PCSK2: variants seen among roughly 807,000 people sequenced by gnomAD.
The protein encoded by PCSK2 is neuroendocrine convertase 2.
PCSK2 carries 14 observed loss-of-function variants against 69.7 expected under a neutral mutation model. The ratio of observed to expected loss-of-function variants is 0.20; its 90% CI spans 0.13 to 0.31. The LOEUF is 0.31. Ranked by LOEUF, PCSK2 falls within the 10% of genes least tolerant of loss-of-function variation. The pLI is 1.00. For missense variants in PCSK2, 544 were observed against 842.5 expected (o/e 0.65, Z 4.39); for synonymous variants, 307 against 320.7 (o/e 0.96, Z 0.46).
chr20:17,344,904 T>G (rs893115958), intron 2 of PCSK2, among the ~76,000 whole-genome samples: 2 of 151,876 alleles, frequency 1.3e-5, no homozygotes, highest in African/African-American at 4.8e-5. Context: ...TGCAGGAAAC[T>G]GCCCAAGGCT....
chr20:17,312,289 G>T (rs549684873), intron 2 of PCSK2, among the ~76,000 whole-genome samples: 1 of 152,256 alleles, frequency 6.6e-6, no homozygotes, highest in South Asian at 2.1e-4. Context: ...AGAAACAGGG[G>T]ACTTCTGATT....
At chr20:17,339,930 T>C (rs1183522084) in intron 2 of PCSK2, among the ~76,000 whole-genome samples, 1 of 152,176 alleles carries the variant, frequency 6.6e-6, no homozygotes, top group Non-Finnish European at 1.5e-5. Context: ...CCTTCGGATT[T>C]TAGGACCTAA....
At position 17,344,149 on chromosome 20, in the gene PCSK2, C is replaced by T. The variant is rs144819121; in HGVS notation, c.283-14178C>T. 9.2e-5 allele frequency among the ~76,000 whole-genome samples: 14 copies of T among 152,326 alleles called. No individual in the cohort carries two copies. In the East Asian group the frequency reaches 2.7e-3, roughly 29 times the overall value. ...TTTGTTCCGCATCACCGTGCTGGGG[C>T]TCATTAACGCCCTGTCATCGGGTGC... On this transcript the variant is annotated intron_variant, in intron 2 of 11. Transcript: ENST00000262545.
intron 2 of PCSK2, among the ~76,000 whole-genome samples, chr20:17,315,238 G>A (rs141582430): frequency 6.6e-6 from 1 of 152,130 alleles, no homozygotes; most frequent in East Asian, 1.9e-4. Flanking sequence ...TGGTGGTGAT[G>A]GTGTGTGTCT....
At chr20:17,226,888 C>A (rs1221584853), upstream of PCSK2, 3 of 148,402 alleles carry the variant, frequency 2.0e-5, no homozygotes, top group African/African-American at 4.9e-5. Flanking sequence ...GGGCCCGGGG[C>A]GGCCCAGGGC....
chr20:17,339,985 C>A (rs1990463890), intron 2 of PCSK2, among the ~76,000 whole-genome samples: 1 of 152,212 alleles, frequency 6.6e-6, no homozygotes. Context: ...CCCACCCCTG[C>A]CTGTTATGTG....
At chr20:17,443,446 T>C (rs1243759918) in intron 8 of PCSK2, among the ~76,000 whole-genome samples, 1 of 152,198 alleles carries the variant, frequency 6.6e-6, no homozygotes, top group African/African-American at 2.4e-5. Flanking sequence ...TATTGCATTA[T>C]TCATTGTGTG....
In PCSK2 at chr20:17,391,406, A is replaced by T. The variant is rs115280113; in HGVS notation, c.544-17857A>T. The stretch of plus-strand genomic sequence containing the variant: ...CACATGATTTAAAAAAAATAAAAAA[A>T]CTCATCAATGAGATTAATGAGAGTT... On this transcript the variant is annotated intron_variant, in intron 5 of 11. Coordinates refer to ENST00000262545, the MANE Select transcript of PCSK2 (RefSeq NM_002594.5). 2.1e-3 allele frequency among the ~76,000 whole-genome samples: 325 copies of T among 152,308 alleles called. 2 individuals carry two copies. Among genetic ancestry groups the T allele is most frequent in the African/African-American group, 7.4e-3 (309 of 41,568 alleles).
At chr20:17,243,724 C>A (rs1250033208) in intron 1 of PCSK2, among the ~76,000 whole-genome samples, 2 of 152,184 alleles carry the variant, frequency 1.3e-5, no homozygotes, top group African/African-American at 4.8e-5. Flanking sequence ...CATCAAGAAG[C>A]ACACACCACA....
At chr20:17,397,935 A>G (rs1383536367) in intron 5 of PCSK2, among the ~76,000 whole-genome samples, 2 of 152,218 alleles carry the variant, frequency 1.3e-5, no homozygotes, top group East Asian at 3.8e-4. Flanking sequence ...AGTCTGAGAC[A>G]TGCCAAGGAG....
intron 5 of PCSK2, among the ~76,000 whole-genome samples, chr20:17,402,639 C>A (rs1343465221): frequency 2.5e-5 from 3 of 121,758 alleles, no homozygotes; most frequent in South Asian, 2.8e-4. Flanking sequence ...CAAGCCTGGG[C>A]AACAGAGCAA....
intron 7 of PCSK2, among the ~76,000 whole-genome samples, chr20:17,434,205 CTCT>C (rs1487497647): frequency 1.7e-4 from 26 of 150,160 alleles, no homozygotes; most frequent in African/African-American, 6.4e-4. Context: ...CTCTCTCTCT[CTCT>C]CCCAGTCTGT....
At chr20:17,412,947 G>A (rs1162416421) in intron 6 of PCSK2, among the ~76,000 whole-genome samples, 1 of 152,090 alleles carries the variant, frequency 6.6e-6, no homozygotes, top group African/African-American at 2.4e-5. Context: ...CATAAGTGAA[G>A]GAGAAATAAA....
chr20:17,387,882 G>A (rs978886130), intron 5 of PCSK2, among the ~76,000 whole-genome samples: 1 of 152,186 alleles, frequency 6.6e-6, no homozygotes, highest in African/African-American at 2.4e-5. Context: ...TTATGATCTA[G>A]GTGCTTTGCT....
At chr20:17,436,618 A>G in intron 7 of PCSK2, 90 bp from the exon 8 acceptor site, 1 of 1,132,100 alleles carries the variant, frequency 8.8e-7, no homozygotes, top group Non-Finnish European at 1.3e-6. Flanking sequence ...AACCATTCCA[A>G]GTACCCAGGG....
intron 2 of PCSK2, among the ~76,000 whole-genome samples, chr20:17,317,487 G>A (rs1169359549): frequency 6.6e-6 from 1 of 152,190 alleles, no homozygotes; most frequent in Non-Finnish European, 1.5e-5. Context: ...AATTCTGGCT[G>A]TGTCCATTAG....
chr20:17,334,393 G>A (rs1990290263), intron 2 of PCSK2, among the ~76,000 whole-genome samples: 1 of 152,138 alleles, frequency 6.6e-6, no homozygotes, highest in African/African-American at 2.4e-5. Context: ...AGAAAACAGT[G>A]GGTTAAAATT....
chr20:17,450,459 C>T (rs906786606), intron 8 of PCSK2, among the ~76,000 whole-genome samples: 1 of 152,152 alleles, frequency 6.6e-6, no homozygotes, highest in Admixed American at 6.5e-5. Context: ...TATGGAAATG[C>T]TTGCTGTGAT....
chr20:17,397,063 C>T (rs539283732), intron 5 of PCSK2, among the ~76,000 whole-genome samples: 1 of 152,326 alleles, frequency 6.6e-6, no homozygotes, highest in African/African-American at 2.4e-5. Context: ...AATCAAAGCA[C>T]ACCTAGAGTT....
Sources: allele counts gnomAD v4.1 joint callset (sites outside exome capture counted in the v4.1 genomes callset), GRCh38; gene constraint gnomAD v4.1.1; transcripts MANE v1.5; gene names NCBI Gene and HGNC (gene_info 2026-07-23, HGNC 2026-07-21).